NEB: variants seen among roughly 807,000 people sequenced by gnomAD.
The protein encoded by NEB is nemaline myopathy type 2.
NEB carries 512 observed loss-of-function variants against 952.2 expected under a neutral mutation model. The ratio of observed to expected loss-of-function variants is 0.54; its 90% CI spans 0.50 to 0.58. NEB has a LOEUF of 0.58. Ranked by LOEUF, NEB falls within the 20% of genes least tolerant of loss-of-function variation. The pLI is 0.00. For synonymous variants in NEB, 2,900 were observed against 3,149.8 expected (o/e 0.92, Z 2.66); for missense variants, 8,428 against 9,231.1 (o/e 0.91, Z 3.56).
At chr2:151,577,244 T>C (rs546861596) in intron 105 of NEB, among the ~76,000 whole-genome samples, 2 of 152,276 alleles carry the variant, frequency 1.3e-5, no homozygotes, top group African/African-American at 4.8e-5. Flanking sequence ...AAGGGATGAA[T>C]GGTCTGGCAC....
chr2:151,687,458 C>T lies in NEB; in HGVS notation c.2598G>A (p.Lys866=). ...TGGCTGTCTTCAAGGAGTGCAGCATCTTTGGATCGTCATTAATGCTGAGGG... is the reference window on the plus strand; with the variant it reads ...TGGCTGTCTTCAAGGAGTGCAGCATTTTTGGATCGTCATTAATGCTGAGGG... ...IGALSINDDP[K]MLHSLKTAKN... The change falls in exon 27 of 182, where the codon AAG becomes AAA. Residue 866 remains lysine, a synonymous_variant. Coordinates refer to ENST00000397345, the MANE Select transcript of NEB (RefSeq NM_001164508.2). The T allele has an allele frequency of 1.2e-6, 2 of 1,614,024 alleles. No homozygotes were observed. Among genetic ancestry groups the T allele is most frequent in the Non-Finnish European group, 1.7e-6 (2 of 1,179,874 alleles).
chr2:151,619,705 C>G lies in NEB; in HGVS notation c.10618G>C (p.Val3540Leu), dbSNP rs1358452379. The change falls in exon 73 of 182, where the codon GTA becomes CTA. Residue 3540 changes from valine to leucine, a missense_variant. Transcript: ENST00000397345. ...QLGHHIGARA[V>L]HDDPKIMWSL... is the part of the protein sequence containing the mutation. ...CACATTATCTTGGGGTCATCGTGTA[C>G]TGCTCGGGCGCCAATGTGGTGACCC... 1 of 1,613,894 alleles carries G rather than the reference C, an allele frequency of 6.2e-7. No individual in the cohort carries two copies. Among genetic ancestry groups the G allele is most frequent in the Non-Finnish European group, 8.5e-7 (1 of 1,179,826 alleles).
At chr2:151,574,385 C>A (rs1255879647) in intron 107 of NEB, among the ~76,000 whole-genome samples, 3 of 152,178 alleles carry the variant, frequency 2.0e-5, no homozygotes, top group Non-Finnish European at 4.4e-5. Context: ...TCATTTTAAT[C>A]CTGATATGAA....
chr2:151,576,510 ATATATATTTTTTTTTTTTTTT>A (rs1225451020), intron 105 of NEB, among the ~76,000 whole-genome samples, 156 bp from the exon 106 acceptor site: 7 of 31,560 alleles, frequency 2.2e-4, no homozygotes, highest in South Asian at 2.6e-3. Context: ...ATATATATAT[ATATATATTTTTTTTTTTTTTT>A]TTTTTTTTTT....
intron 23 of NEB, 138 bp from the exon 24 acceptor site, chr2:151,690,963 C>A: frequency 1.5e-6 from 1 of 650,542 alleles, no homozygotes; most frequent in East Asian, 2.9e-5. Context: ...ATTCTCACTT[C>A]TCTGTCTGTC....
rs1163854264 is a variant in NEB at position 151,625,599 on chromosome 2, C to T, written c.10387G>A (p.Val3463Ile). 2.5e-6 allele frequency: 4 copies of T among 1,606,064 alleles called. No individual in the cohort carries two copies. ...TCAGGTGTATCAGGCATAATATGGA[C>T]TTGGGTCTTGTCTTTGTCCCAGGCT... Reference protein sequence around the residue: ...TEAWDKDKTQVHIMPDTPEIM... With the variant: ...TEAWDKDKTQIHIMPDTPEIM... Residue 3463 changes from valine to isoleucine, a missense_variant, in exon 71 of 182, where the codon GTC (valine) becomes ATC (isoleucine). This residue lies in a region of NEB where 1,772 missense variants were observed against 1,960.3 expected (regional missense o/e 0.90). Transcript: ENST00000397345.
At chr2:151,704,517 G>A (rs1348775517) in intron 13 of NEB, among the ~76,000 whole-genome samples, 6 of 150,986 alleles carry the variant, frequency 4.0e-5, no homozygotes, top group African/African-American at 9.7e-5. Context: ...GCGAGACTCC[G>A]TGGGCGTAGG....
intron 107 of NEB, among the ~76,000 whole-genome samples, chr2:151,573,900 T>A (rs1359147817): frequency 1.3e-5 from 2 of 152,022 alleles, no homozygotes; most frequent in Non-Finnish European, 2.9e-5. Flanking sequence ...AGACTTAAAA[T>A]GACTTCTTCT....
chr2:151,574,064 C>A (rs1030030466), intron 107 of NEB, among the ~76,000 whole-genome samples: 3 of 152,134 alleles, frequency 2.0e-5, no homozygotes, highest in African/African-American at 7.2e-5. Flanking sequence ...AGCTCCGCCT[C>A]CTGGGTTTCA....
chr2:151,729,748 G>C, intron 3 of NEB, 92 bp from the exon 4 acceptor site: 2 of 1,309,270 alleles, frequency 1.5e-6, no homozygotes, highest in Non-Finnish European at 2.2e-6. Flanking sequence ...GACTGCACTA[G>C]CTCGGTTGAT....
rs201690442 is a variant in NEB, at chr2:151,565,839, A to G, written c.18157-19T>C. 12 of 1,547,252 alleles carry G rather than the reference A, an allele frequency of 7.8e-6. No homozygotes were observed. The highest frequency in any genetic ancestry group is 1.1e-5 in the Non-Finnish European group (12 of 1,127,634). On this transcript the variant is annotated intron_variant, in intron 114 of 181. Coordinates refer to ENST00000397345, the MANE Select transcript of NEB (RefSeq NM_001164508.2). ...AGACATTCTGAGAGCAGGAAGAGAG[A>G]TATAATGGAGGAATAAATGACTGAG...
rs1370385550 is a variant in NEB, at chr2:151,627,060, C to T, written c.10289G>A (p.Ser3430Asn). Residue 3430 changes from serine to asparagine, a missense_variant, in exon 70 of 182, where the codon AGT (serine) becomes AAT (asparagine). This residue lies in a region of NEB where 1,772 missense variants were observed against 1,960.3 expected (regional missense o/e 0.90). Transcript: ENST00000397345. ...RQPPDKLKFT[S>N]VTDSLEQVLA... ...CACCTGCTCTAGAGAGTCAGTCACA[C>T]TGGTAAATTTCAGCTTGTCCGGAGG... 1.9e-6 allele frequency: 3 copies of T among 1,613,904 alleles called. No individual in the cohort carries two copies. The highest frequency in any genetic ancestry group is 1.1e-5 in the South Asian group (1 of 91,086).
At position 151,527,416 on chromosome 2, in the gene NEB, A is replaced by G. The variant is rs370673536; in HGVS notation, c.21840+65T>C. On this transcript the variant is annotated intron_variant, in intron 147 of 181. Coordinates refer to ENST00000397345, the MANE Select transcript of NEB (RefSeq NM_001164508.2). ...ACTCATGATAGTGGTTATTATAAAT[A>G]ATTATTCATTGTATTTCTCAGGTGC... The G allele has an allele frequency of 3.4e-6, 4 of 1,170,282 alleles. No homozygotes were observed. In the African/African-American group the frequency reaches 6.1e-5, roughly 18 times the overall value. The allele number at this position is 1,170,282 out of a possible 1,614,324, so 72.5% of individuals were successfully genotyped here.
In NEB at chr2:151,547,477, G is replaced by A. The variant is rs2153615963; in HGVS notation, c.20319C>T (p.Tyr6773=). 3 of 1,607,902 alleles carry A rather than the reference G, an allele frequency of 1.9e-6. No homozygotes were observed. Among genetic ancestry groups the A allele is most frequent in the Non-Finnish European group, 2.5e-6 (3 of 1,177,300 alleles). ...AGCGGCAATGGATCACTTGGGGTGT[G>A]TATGGCAGAGAGATCATGTGGCCCT... ...KMQGHMISLP[Y]TPQVIHCRYV... is the part of the protein sequence containing the mutation. Residue 6773 remains tyrosine, a synonymous_variant, in exon 133 of 182, where the codon TAC becomes TAT. Transcript: ENST00000397345.
At chr2:151,538,285 A>C (rs775957758) in intron 138 of NEB, 41 bp from the exon 139 acceptor site, 42 of 1,420,710 alleles carry the variant, frequency 3.0e-5, no homozygotes, top group Non-Finnish European at 3.9e-5. Context: ...AAAAACTACC[A>C]AGTTAAATAA....
chr2:151,643,686 T>C, intron 57 of NEB, 132 bp downstream of exon 57: 1 of 1,404,960 alleles, frequency 7.1e-7, no homozygotes. Context: ...CCTCCAGATG[T>C]CTGGGTGACT....
At chr2:151,680,679 G>GT in intron 30 of NEB, 51 bp downstream of exon 30, 1 of 1,268,108 alleles carries the variant, frequency 7.9e-7, no homozygotes, top group South Asian at 1.3e-5. Flanking sequence ...AAATACAAAT[G>GT]TATTTGTATT....
chr2:151,503,316 A>AAAT (rs1436326131), intron 166 of NEB, 33 bp downstream of exon 166: 1 of 1,479,156 alleles, frequency 6.8e-7, no homozygotes, highest in African/African-American at 1.4e-5. Context: ...TTTTTATGGG[A>AAAT]AATAGTTTCT....
At chr2:151,502,032 T>TAAGA (rs2065048436) in intron 167 of NEB, among the ~76,000 whole-genome samples, 1 of 152,234 alleles carries the variant, frequency 6.6e-6, no homozygotes, top group Admixed American at 6.5e-5. Context: ...TGAAAATGTT[T>TAAGA]AAGAATGACA....
Sources: gnomAD v4.1 joint callset for allele counts (sites outside exome capture counted in the v4.1 genomes callset) on GRCh38, gnomAD v4.1.1 for gene constraint, gnomAD v4.1.1 regional missense constraint, MANE v1.5 for transcripts, NCBI Gene and HGNC (gene_info 2026-07-23, HGNC 2026-07-21) for gene names.